The following ATP6V0D2 variants were observed in gnomAD, a reference collection of about 807,000 sequenced individuals.
The protein encoded by ATP6V0D2 is ATPase H+ transporting V0 subunit d2.
In ATP6V0D2, 40 loss-of-function variants were observed where a neutral mutation model predicts 40.0. The ratio of observed to expected loss-of-function variants is 1.00; its 90% CI spans 0.78 to 1.30. The LOEUF (loss-of-function observed/expected upper bound fraction) is 1.30. Ranked by LOEUF, ATP6V0D2 falls within the 50% of genes most tolerant of loss-of-function variation. The pLI is 0.00. For synonymous variants in ATP6V0D2, 179 were observed against 156.3 expected (o/e 1.15, Z -1.08); for missense variants, 470 against 423.1 (o/e 1.11, Z -0.97).
chr8:86,113,563 T>A, intron 1 of ATP6V0D2, 146 bp from the exon 2 acceptor site: 1 of 640,598 alleles, frequency 1.6e-6, no homozygotes, highest in African/African-American at 1.8e-5. Flanking sequence ...AGATCAAGTC[T>A]AAATCATATT....
intron 1 of ATP6V0D2, among the ~76,000 whole-genome samples, chr8:86,101,146 CAA>C (rs11414383): frequency 1.2e-4 from 15 of 129,718 alleles, no homozygotes; most frequent in Non-Finnish European, 9.7e-5. Context: ...AATTCTGTCT[CAA>C]AAAAAAAAAA....
Position 86,142,959 on chromosome 8 carries a change from G to T in ATP6V0D2, c.639+5G>T. Reference sequence around the variant, plus strand: ...GTTATGTGTCCCATTCTTGAGGTAAGAAAGAGTCCTTGAATTTTGTTATGC... The same window carrying T: ...GTTATGTGTCCCATTCTTGAGGTAATAAAGAGTCCTTGAATTTTGTTATGC... On this transcript the variant is annotated splice_donor_5th_base_variant and intron_variant, in intron 5 of 7. Transcript: ENST00000285393. 1 of 1,597,786 alleles carries T rather than the reference G, an allele frequency of 6.3e-7. No homozygotes were observed. The highest frequency in any genetic ancestry group is 8.6e-7 in the Non-Finnish European group (1 of 1,168,208).
chr8:86,150,437 T>C (rs1485604233), intron 6 of ATP6V0D2, 149 bp downstream of exon 6: 2 of 836,750 alleles, frequency 2.4e-6, no homozygotes, highest in Non-Finnish European at 3.6e-6. Flanking sequence ...AAGCAATCTC[T>C]CCCTAAGAAA....
At chr8:86,107,221 G>A (rs995021377) in intron 1 of ATP6V0D2, among the ~76,000 whole-genome samples, 2 of 152,072 alleles carry the variant, frequency 1.3e-5, no homozygotes, top group South Asian at 2.1e-4. Context: ...GGTTTCAGGA[G>A]GAGAAGAATT....
chr8:86,143,949 G>A (rs554045605), intron 5 of ATP6V0D2, among the ~76,000 whole-genome samples: 1 of 152,208 alleles, frequency 6.6e-6, no homozygotes, highest in South Asian at 2.1e-4. Context: ...TCATCCACAG[G>A]GACATTGTGC....
intron 2 of ATP6V0D2, among the ~76,000 whole-genome samples, chr8:86,139,127 C>T (rs1405521866): frequency 6.6e-6 from 1 of 151,398 alleles, no homozygotes; most frequent in Admixed American, 6.6e-5. Flanking sequence ...ACTCAGGAAG[C>T]TGAGGCAGGA....
chr8:86,124,348 A>G (rs948010356), intron 2 of ATP6V0D2, among the ~76,000 whole-genome samples: 10 of 152,212 alleles, frequency 6.6e-5, no homozygotes, highest in African/African-American at 2.4e-4. Context: ...AGTGACTACT[A>G]TGAGTAAAGG....
intron 2 of ATP6V0D2, among the ~76,000 whole-genome samples, chr8:86,138,628 A>G (rs1818927968): frequency 6.6e-6 from 1 of 152,256 alleles, no homozygotes. Flanking sequence ...GGTGGCCTAG[A>G]AAATTCACAA....
intron 2 of ATP6V0D2, among the ~76,000 whole-genome samples, chr8:86,127,054 T>C (rs1267405248): frequency 2.0e-5 from 3 of 152,186 alleles, no homozygotes; most frequent in African/African-American, 7.2e-5. Context: ...ACAGCAAAAT[T>C]GTTTGCTTTT....
At chr8:86,122,380 CTAAT>C (rs1428787396) in intron 2 of ATP6V0D2, among the ~76,000 whole-genome samples, 2 of 152,130 alleles carry the variant, frequency 1.3e-5, no homozygotes, top group South Asian at 2.1e-4. Flanking sequence ...TTCCTAAAGG[CTAAT>C]TAAAGTTTTA....
intron 5 of ATP6V0D2, among the ~76,000 whole-genome samples, chr8:86,149,674 T>C (rs1271985315): frequency 2.0e-5 from 3 of 152,204 alleles, no homozygotes; most frequent in African/African-American, 4.8e-5. Context: ...TAGGAAGGGA[T>C]ATTAACATGT....
At chr8:86,106,358 C>T (rs2130229911) in intron 1 of ATP6V0D2, among the ~76,000 whole-genome samples, 1 of 152,244 alleles carries the variant, frequency 6.6e-6, no homozygotes, top group East Asian at 1.9e-4. Flanking sequence ...GTCTTGAACT[C>T]CTGGCCTCAA....
chr8:86,136,551 A>T (rs544867414), intron 2 of ATP6V0D2, among the ~76,000 whole-genome samples: 1 of 152,214 alleles, frequency 6.6e-6, no homozygotes, highest in Non-Finnish European at 1.5e-5. Context: ...TTGAAGAGAT[A>T]AAAAGGATTC....
chr8:86,101,418 C>T (rs1818395595), intron 1 of ATP6V0D2, among the ~76,000 whole-genome samples: 1 of 145,542 alleles, frequency 6.9e-6, no homozygotes, highest in African/African-American at 2.6e-5. Context: ...TGTAACTGCA[C>T]CACTGTGCTC....
chr8:86,115,481 G>C (rs1195021929), intron 2 of ATP6V0D2, among the ~76,000 whole-genome samples: 1 of 142,354 alleles, frequency 7.0e-6, no homozygotes, highest in African/African-American at 2.6e-5. Flanking sequence ...AGATTTTCCT[G>C]CCTCAGCCTC....
intron 2 of ATP6V0D2, among the ~76,000 whole-genome samples, chr8:86,117,529 G>A (rs1263153663): frequency 6.6e-6 from 1 of 152,210 alleles, no homozygotes; most frequent in Non-Finnish European, 1.5e-5. Context: ...TGACTTTAGT[G>A]CGGATGTTTC....
At chr8:86,147,119 A>C (rs1398753650) in intron 5 of ATP6V0D2, among the ~76,000 whole-genome samples, 1 of 152,164 alleles carries the variant, frequency 6.6e-6, no homozygotes, top group Non-Finnish European at 1.5e-5. Context: ...AAACAATCAT[A>C]AAATATGTTT....
chr8:86,150,188 C>T lies in ATP6V0D2; in HGVS notation c.716C>T (p.Thr239Ile). Reference sequence around the variant, plus strand: ...GAATTGAGCAAAGAAGACCGAGAGACCCTCTATCCAACCTTCGGCAAACTC... The same window carrying T: ...GAATTGAGCAAAGAAGACCGAGAGATCCTCTATCCAACCTTCGGCAAACTC... ...GTELSKEDRE[T>I]LYPTFGKLYP... Residue 239 changes from threonine to isoleucine, a missense_variant, in exon 6 of 8, where the codon ACC (threonine) becomes ATC (isoleucine). By Grantham distance (89) the Thr-to-Ile change is moderately conservative (BLOSUM62 -1). Transcript: ENST00000285393. 6.2e-7 allele frequency: 1 copy of T among 1,613,310 alleles called. No individual in the cohort carries two copies. The highest frequency in any genetic ancestry group is 8.5e-7 in the Non-Finnish European group (1 of 1,179,866).
rs1367306135 is a variant in ATP6V0D2 at position 86,141,461 on chromosome 8, C to T, written c.493C>T (p.Gln165Ter). The part of the protein sequence containing the change: ...LIETPLAPFF[Q>*]DCMSENALDE... ...ATTTCTGCTTTCAGCTCCATTCTTC[C>T]AAGACTGCATGTCTGAAAATGCTCT... Residue 165 changes from glutamine to a stop codon, truncating the protein, a stop_gained, in exon 4 of 8, where the codon CAA becomes TAA. Coordinates refer to ENST00000285393, the MANE Select transcript of ATP6V0D2 (RefSeq NM_152565.1). LOFTEE classifies it high-confidence loss of function. The T allele has an allele frequency of 1.2e-6, 2 of 1,610,346 alleles. No individual in the cohort carries two copies. The highest frequency in any genetic ancestry group is 2.2e-5 in the South Asian group (2 of 90,854).
Sources: gnomAD v4.1 joint callset for allele counts (sites outside exome capture counted in the v4.1 genomes callset) on GRCh38, gnomAD v4.1.1 for gene constraint, MANE v1.5 for transcripts, NCBI Gene and HGNC (gene_info 2026-07-23, HGNC 2026-07-21) for gene names.